SNX8: variants seen among roughly 807,000 people sequenced by gnomAD.
SNX8 encodes sorting nexin-8.
A neutral mutation model predicts 51.6 loss-of-function variants in SNX8; 25 were observed. That is an observed-to-expected ratio of 0.48 (90% CI 0.35 to 0.68). The LOEUF is 0.68. Among genes scored for constraint, SNX8 ranks in the 30% least tolerant of loss-of-function variants. The pLI, the probability that SNX8 is intolerant of heterozygous loss-of-function variation, is 0.00. For synonymous variants in SNX8, 324 were observed against 277.0 expected, an observed-to-expected ratio of 1.17 and a Z score of -1.68; for missense variants, 695 against 624.0, an observed-to-expected ratio of 1.11 and a Z score of -1.21.
intron 1 of SNX8, among the ~76,000 whole-genome samples, chr7:2,285,043 T>G (rs1795992937): frequency 6.6e-6 from 1 of 151,818 alleles, no homozygotes; most frequent in African/African-American, 2.4e-5. Context: ...AAACCTCATC[T>G]CTTCTAAAAA....
intron 1 of SNX8, chr7:2,354,018 C>G (rs374141231): frequency 1.2e-4 from 19 of 152,494 alleles, no homozygotes; most frequent in African/African-American, 4.3e-4. Flanking sequence ...CCGCGCAGAG[C>G]GAACCGCTCC....
rs944028369 is a variant in SNX8 at position 2,347,395 on chromosome 7, C to T, written c.-66+6827G>A. Among the ~76,000 whole-genome samples, 36 of 148,348 alleles carry T rather than the reference C, an allele frequency of 2.4e-4. 1 individual carries two copies. The highest frequency in any genetic ancestry group is 4.9e-4 in the Non-Finnish European group (33 of 67,428). Reference sequence around the variant, plus strand: ...CCTCAGGAGGCTGAGACAGGAGAATCGCTTGAACCTAGGAGGTGGAGATTG... The same window carrying T: ...CCTCAGGAGGCTGAGACAGGAGAATTGCTTGAACCTAGGAGGTGGAGATTG... On this transcript the variant is annotated intron_variant, in intron 1 of 5. Coordinates refer to the SNX8 transcript ENST00000435336.
chr7:2,320,976 C>T (rs1187462195), intron 1 of SNX8, among the ~76,000 whole-genome samples: 1 of 152,006 alleles, frequency 6.6e-6, no homozygotes, highest in Non-Finnish European at 1.5e-5. Context: ...GCCAAGATCG[C>T]GCCACTGCAC....
intron 1 of SNX8, among the ~76,000 whole-genome samples, chr7:2,292,565 C>T (rs1041947867): frequency 7.9e-5 from 12 of 151,974 alleles, no homozygotes; most frequent in South Asian, 2.1e-4. Flanking sequence ...GCGTCCACCA[C>T]CACACCCGGC....
chr7:2,278,613 CGCCGG>C (rs1795839350), intron 1 of SNX8, among the ~76,000 whole-genome samples: 1 of 140,510 alleles, frequency 7.1e-6, no homozygotes, highest in South Asian at 2.3e-4. Context: ...ACGGAGTCGA[CGCCGG>C]ACTCACTCAC....
intron 1 of SNX8, among the ~76,000 whole-genome samples, chr7:2,327,794 G>A (rs1039570337): frequency 2.6e-5 from 4 of 152,128 alleles, no homozygotes; most frequent in Admixed American, 2.0e-4. Context: ...CGCCCGCCTT[G>A]GCCTCCCAAA....
upstream of SNX8, among the ~76,000 whole-genome samples, chr7:2,317,040 C>A (rs1032770871): frequency 7.2e-5 from 11 of 152,058 alleles, no homozygotes; most frequent in Non-Finnish European, 1.5e-4. Context: ...AGGGCGATCC[C>A]TTCCCTACAT....
upstream of SNX8, among the ~76,000 whole-genome samples, chr7:2,316,958 G>A (rs900759079): frequency 6.6e-6 from 1 of 152,194 alleles, no homozygotes; most frequent in Non-Finnish European, 1.5e-5. Context: ...GGCCAGAGTG[G>A]AGCAAGTGTG....
At chr7:2,270,936 C>G (rs374396954) in intron 4 of SNX8, among the ~76,000 whole-genome samples, 39 of 152,316 alleles carry the variant, frequency 2.6e-4, no homozygotes, top group African/African-American at 8.4e-4. Context: ...CCTCCCCGCA[C>G]AGGGAGAGGG....
intron 3 of SNX8, 109 bp from the exon 4 acceptor site, chr7:2,272,080 C>T (rs1014868609): frequency 4.8e-6 from 7 of 1,470,462 alleles, no homozygotes; most frequent in Non-Finnish European, 5.5e-6. Flanking sequence ...GGCCCAGCGG[C>T]TAGCAGAGGG....
chr7:2,344,605 C>G (rs1157987137), intron 1 of SNX8, among the ~76,000 whole-genome samples: 2 of 81,206 alleles, frequency 2.5e-5, no homozygotes, highest in East Asian at 3.8e-4. Flanking sequence ...GAGCGAGACT[C>G]CAACTCAAAA....
At chr7:2,313,590 C>G (rs1796703170) in intron 1 of SNX8, among the ~76,000 whole-genome samples, 1 of 151,824 alleles carries the variant, frequency 6.6e-6, no homozygotes, top group Non-Finnish European at 1.5e-5. Flanking sequence ...AGGCCAGGCA[C>G]GATGGCTCAT....
intron 4 of SNX8, among the ~76,000 whole-genome samples, 183 bp from the exon 5 acceptor site, chr7:2,269,822 C>A (rs991109655): frequency 1.3e-5 from 2 of 152,186 alleles, no homozygotes; most frequent in African/African-American, 4.8e-5. Flanking sequence ...TCTCACCAAA[C>A]AGGACAGCCT....
intron 3 of SNX8, among the ~76,000 whole-genome samples, chr7:2,272,347 C>CT (rs1223499268): frequency 6.6e-6 from 1 of 152,044 alleles, no homozygotes; most frequent in Non-Finnish European, 1.5e-5. Context: ...TTGCTACGCT[C>CT]TAACACTAAC....
rs1239834370 is a variant in SNX8 at position 2,314,321 on chromosome 7, G to A, written c.94+7C>T. 1.6e-6 allele frequency: 2 copies of A among 1,221,800 alleles called. No individual in the cohort carries two copies. The highest frequency in any genetic ancestry group is 3.2e-5 in the East Asian group (1 of 30,940). 75.7% of individuals were successfully genotyped at this position (1,221,800 alleles called of 1,614,324 possible). A position where few individuals can be genotyped will look rare whatever the true frequency, so the allele number is the denominator to read the frequency against. ...CAGGTGGGGGCTACCGCCGCCCCAC[G>A]CCCTACCTGACGCCGGGGGATCCGC... On this transcript the variant is annotated splice_region_variant and intron_variant, in intron 1 of 10. Transcript: ENST00000222990.
At chr7:2,307,921 C>G (rs963033540) in intron 1 of SNX8, 3 of 152,176 alleles carry the variant, frequency 2.0e-5, no homozygotes, top group African/African-American at 4.8e-5. Context: ...CAGAATTCCC[C>G]TACCCGGAAC....
intron 1 of SNX8, among the ~76,000 whole-genome samples, chr7:2,329,915 C>T (rs1778698673): frequency 6.6e-6 from 1 of 151,036 alleles, no homozygotes; most frequent in Non-Finnish European, 1.5e-5. Flanking sequence ...GCAACCTCCG[C>T]CTCCTGGGTT....
rs1328873519 is a variant in SNX8, at chr7:2,252,189, A to T, written c.*2867T>A. ...CAGCCGTCCTCACAGGGCAGGCGGC[A>T]TCTGGCATCTCCACCAGCATCACAC... On this transcript the variant is annotated 3_prime_UTR_variant, in exon 11 of 11. Transcript: ENST00000222990. 6.6e-6 allele frequency: 1 copy of T among 151,954 alleles called. No individual in the cohort carries two copies. The highest frequency in any genetic ancestry group is 1.5e-5 in the Non-Finnish European group (1 of 68,066). The allele number at this position is 151,954 out of a possible 1,614,324, so 9.4% of individuals were successfully genotyped here.
At chr7:2,352,468 ATT>A (rs1583133943) in intron 1 of SNX8, among the ~76,000 whole-genome samples, 2 of 152,090 alleles carry the variant, frequency 1.3e-5, no homozygotes, top group Admixed American at 6.6e-5. Flanking sequence ...ATGACAATAT[ATT>A]GTTATAATTG....
Sources: gnomAD v4.1 joint callset for allele counts (sites outside exome capture counted in the v4.1 genomes callset) on GRCh38, gnomAD v4.1.1 for gene constraint, MANE v1.5 for transcripts, NCBI Gene and HGNC (gene_info 2026-07-23, HGNC 2026-07-21) for gene names.